Variants in WDR17 observed in about 807,000 individuals in gnomAD.
WDR17 encodes WD repeat-containing protein 17.
WDR17 carries 143 observed loss-of-function variants against 161.7 expected under a neutral mutation model. That is an observed-to-expected ratio of 0.88 (90% CI 0.77 to 1.02). The LOEUF is 1.02. WDR17 is among the 50% of genes least tolerant of loss of function. The pLI is 0.00. For synonymous variants in WDR17, 517 were observed against 515.6 expected (o/e 1.00, Z -0.04); for missense variants, 1,469 against 1,520.9 (o/e 0.97, Z 0.57).
intron 5 of WDR17, among the ~76,000 whole-genome samples, chr4:176,126,534 T>C (rs1271360406): frequency 6.6e-6 from 1 of 152,182 alleles, no homozygotes; most frequent in Non-Finnish European, 1.5e-5. Context: ...CATCAGTGGA[T>C]TGAACCAACT....
chr4:176,097,720 T>TACACAC (rs561504948), intron 1 of WDR17, among the ~76,000 whole-genome samples: 4 of 129,976 alleles, frequency 3.1e-5, no homozygotes, highest in African/African-American at 1.1e-4. Flanking sequence ...AAGCCCCACT[T>TACACAC]ACACACACAC....
chr4:176,147,024 G>A (rs770415673), intron 12 of WDR17, among the ~76,000 whole-genome samples: 8 of 151,802 alleles, frequency 5.3e-5, no homozygotes, highest in Non-Finnish European at 1.0e-4. Flanking sequence ...GCGCCACCAC[G>A]CCCAGCTAAT....
intron 1 of WDR17, among the ~76,000 whole-genome samples, chr4:176,079,840 G>C (rs868788885): frequency 7.9e-5 from 12 of 152,006 alleles, no homozygotes; most frequent in African/African-American, 2.7e-4. Context: ...TAATCACAAG[G>C]CGAGGGGGGG....
intron 12 of WDR17, among the ~76,000 whole-genome samples, chr4:176,147,422 T>C (rs1746363777): frequency 6.6e-6 from 1 of 152,290 alleles, no homozygotes; most frequent in East Asian, 1.9e-4. Context: ...ATTTCACGAA[T>C]CCAGTTATAT....
At chr4:176,155,906 AT>A (rs1425699338) in intron 17 of WDR17, among the ~76,000 whole-genome samples, 172 bp from the exon 18 acceptor site, 1 of 151,358 alleles carries the variant, frequency 6.6e-6, no homozygotes, top group Admixed American at 6.6e-5. Context: ...CTCTTTAAAG[AT>A]TTTTTTTAAG....
chr4:176,089,851 G>A (rs1282839713), intron 1 of WDR17, among the ~76,000 whole-genome samples: 2 of 152,050 alleles, frequency 1.3e-5, no homozygotes, highest in Non-Finnish European at 2.9e-5. Context: ...AGAAAGGAGA[G>A]TTTTCTATCC....
chr4:176,168,680 C>T lies in WDR17; in HGVS notation c.2999C>T (p.Ala1000Val). Residue 1000 changes from alanine to valine, a missense_variant, in exon 23 of 29, where the codon GCA becomes GTA. Transcript: ENST00000508596. ...KCMMISVWNLAADLLLMIPDN... is the reference protein window; with the variant it reads ...KCMMISVWNLVADLLLMIPDN... ...TTTTGTTACGTTAACAGGAATTTGG[C>T]AGCTGATCTTCTTCTGATGATTCCT... 1.2e-6 allele frequency: 2 copies of T among 1,613,486 alleles called. No individual in the cohort carries two copies. Among genetic ancestry groups the T allele is most frequent in the East Asian group, 2.2e-5 (1 of 44,778 alleles).
intron 1 of WDR17, among the ~76,000 whole-genome samples, chr4:176,110,979 A>T (rs1163883472): frequency 6.6e-6 from 1 of 152,146 alleles, no homozygotes. Context: ...CCCGATCCTA[A>T]CAGTGAACAG....
At chr4:176,132,054 A>T (rs574151886) in intron 7 of WDR17, among the ~76,000 whole-genome samples, 103 of 152,178 alleles carry the variant, frequency 6.8e-4, no homozygotes, top group African/African-American at 2.4e-3. Context: ...GGACAAGTTG[A>T]TCTCTGCCAG....
chr4:176,070,830 GT>G (rs970968694), intron 1 of WDR17, among the ~76,000 whole-genome samples: 1 of 151,926 alleles, frequency 6.6e-6, no homozygotes, highest in Non-Finnish European at 1.5e-5. Flanking sequence ...TTTTGTTTTT[GT>G]TTTTGTTTTT....
chr4:176,168,592 T>G (rs1424847053), intron 22 of WDR17, 80 bp from the exon 23 acceptor site: 1 of 1,529,726 alleles, frequency 6.5e-7, no homozygotes, highest in Non-Finnish European at 8.9e-7. Flanking sequence ...ATTATATGAA[T>G]TGCCCTTCTT....
In WDR17 at chr4:176,085,157, G is replaced by T. The variant is rs531909620; in HGVS notation, c.-7+19078G>T. On this transcript the variant is annotated intron_variant, in intron 1 of 28. Coordinates refer to ENST00000508596, the MANE Select transcript of WDR17 (RefSeq NM_181265.4). ...ATAAAAAAAATCTGCTAGGATTTTT[G>T]ATTAGGATTGAATTAAATCTGAAGA... 4.1e-3 allele frequency among the ~76,000 whole-genome samples: 626 copies of T among 151,994 alleles called. 5 individuals are homozygous for T. The highest frequency in any genetic ancestry group is 0.013 in the African/African-American group (542 of 41,490).
At chr4:176,099,796 T>G (rs1737515368) in intron 1 of WDR17, among the ~76,000 whole-genome samples, 1 of 152,104 alleles carries the variant, frequency 6.6e-6, no homozygotes, top group African/African-American at 2.4e-5. Context: ...TGTGTCCATG[T>G]GTACACATTT....
intron 3 of WDR17, 35 bp from the exon 4 acceptor site, chr4:176,119,832 A>G: frequency 6.4e-7 from 1 of 1,561,488 alleles, no homozygotes; most frequent in Non-Finnish European, 8.8e-7. Context: ...CTTATGCTGT[A>G]TCTTTATTAT....
intron 18 of WDR17, among the ~76,000 whole-genome samples, chr4:176,159,547 A>G (rs368241794): frequency 1.3e-5 from 2 of 152,172 alleles, no homozygotes; most frequent in African/African-American, 4.8e-5. Flanking sequence ...CATCTTAGTG[A>G]TTTTTAAGCT....
intron 1 of WDR17, among the ~76,000 whole-genome samples, chr4:176,071,603 C>T (rs557704877): frequency 6.6e-6 from 1 of 152,200 alleles, no homozygotes; most frequent in Admixed American, 6.5e-5. Flanking sequence ...GCGTGAGCCA[C>T]CACACCCGGC....
At position 176,137,588 on chromosome 4, in the gene WDR17, A is replaced by G; in HGVS notation, c.1336A>G (p.Lys446Glu). ...TTTTATTTGGAATGTTCAAAAGGGC[A>G]AAATTATACAACGATTTAATGAGGT... is the stretch of plus-strand genomic sequence containing the variant. ...GAFIWNVQKG[K>E]IIQRFNEHGT... Residue 446 changes from lysine to glutamate, a missense_variant, in exon 9 of 29, where the codon AAA (lysine) becomes GAA (glutamate). Coordinates refer to ENST00000508596, the MANE Select transcript of WDR17 (RefSeq NM_181265.4). The G allele has an allele frequency of 2.5e-6, 4 of 1,595,454 alleles. No homozygotes were observed. Among genetic ancestry groups the G allele is most frequent in the Non-Finnish European group, 3.4e-6 (4 of 1,168,452 alleles).
At position 176,111,670 on chromosome 4, in the gene WDR17, A is replaced by C. The variant is rs774734808; in HGVS notation, c.90A>C (p.Ala30=). 3.5e-5 allele frequency: 56 copies of C among 1,609,140 alleles called. No individual in the cohort carries two copies. The highest frequency in any genetic ancestry group is 4.7e-5 in the Non-Finnish European group (55 of 1,176,976). Reference sequence around the variant, plus strand: ...GTGCTGCCAGTGGAGACAGGTTTGCATATTGTGCGACCCTGGCTATCTATA... The same window carrying C: ...GTGCTGCCAGTGGAGACAGGTTTGCCTATTGTGCGACCCTGGCTATCTATA... The part of the protein sequence containing the change: ...DVCAASGDRF[A]YCATLAIYIY... Residue 30 remains alanine, a synonymous_variant, in exon 2 of 29, where the codon GCA becomes GCC. Transcript: ENST00000508596.
At chr4:176,092,634 AC>A (rs1196127144) in intron 1 of WDR17, among the ~76,000 whole-genome samples, 16 of 152,188 alleles carry the variant, frequency 1.1e-4, no homozygotes, top group African/African-American at 3.1e-4. Flanking sequence ...ATTTAGGAAA[AC>A]CTAAAGACTC....
Sources: gnomAD v4.1 joint callset for allele counts (sites outside exome capture counted in the v4.1 genomes callset) on GRCh38, gnomAD v4.1.1 for gene constraint, MANE v1.5 for transcripts, NCBI Gene and HGNC (gene_info 2026-07-23, HGNC 2026-07-21) for gene names.